Variants in ACBD6 observed in about 807,000 individuals in gnomAD.
The protein encoded by ACBD6 is acyl-CoA binding domain containing 6.
A neutral mutation model predicts 37.2 loss-of-function variants in ACBD6; 28 were observed. The observed-to-expected ratio is 0.75, with a 90% CI of 0.56 to 1.03. The LOEUF (loss-of-function observed/expected upper bound fraction) is 1.03. ACBD6 is among the 50% of genes least tolerant of loss of function. The probability of loss-of-function intolerance (pLI) is 0.00; values close to 1 mark genes in which losing one functional copy is unlikely to be tolerated. For synonymous variants in ACBD6, 113 were observed against 126.8 expected, an observed-to-expected ratio of 0.89 and a Z score of 0.73; for missense variants, 340 against 337.4, an observed-to-expected ratio of 1.01 and a Z score of -0.06.
At chr1:180,380,271 AAAAC>A (rs1653590201) in intron 6 of ACBD6, among the ~76,000 whole-genome samples, 1 of 109,468 alleles carries the variant, frequency 9.1e-6, no homozygotes, top group Non-Finnish European at 2.4e-5. Context: ...AAACAAAAAC[AAAAC>A]AAAACAAACA....
chr1:180,367,621 T>C lies in ACBD6; in HGVS notation c.663+29895A>G, dbSNP rs141177309. On this transcript the variant is annotated intron_variant, in intron 6 of 7. Coordinates refer to ENST00000367595, the MANE Select transcript of ACBD6 (RefSeq NM_032360.4). ...GAATTCTCATTATATAGCTCCCACT[T>C]ATAAATGAGAACGTGCAGTATTTGG... Among the ~76,000 whole-genome samples the C allele has an allele frequency of 3.9e-3, 590 of 152,322 alleles. 2 individuals are homozygous for C. The highest frequency in any genetic ancestry group is 0.027 in the Middle Eastern group (8 of 294).
intron 4 of ACBD6, among the ~76,000 whole-genome samples, chr1:180,421,987 T>C (rs1235473407): frequency 5.3e-5 from 8 of 152,192 alleles, no homozygotes; most frequent in Admixed American, 3.3e-4. Flanking sequence ...TGGCATTACA[T>C]TTTCCAGGTA....
chr1:180,444,282 T>G, intron 3 of ACBD6, among the ~76,000 whole-genome samples: 1 of 141,318 alleles, frequency 7.1e-6, no homozygotes, highest in Non-Finnish European at 1.5e-5. Context: ...AGATTCCGTC[T>G]CTCCAAAAAA....
At chr1:180,494,613 C>G (rs1390514078) in intron 2 of ACBD6, among the ~76,000 whole-genome samples, 1 of 152,146 alleles carries the variant, frequency 6.6e-6, no homozygotes, top group Admixed American at 6.5e-5. Context: ...TCCAGGGGAC[C>G]AGATTTTATG....
intron 7 of ACBD6, among the ~76,000 whole-genome samples, chr1:180,301,916 G>A (rs1054248560): frequency 1.3e-4 from 20 of 152,014 alleles, no homozygotes; most frequent in African/African-American, 3.4e-4. Flanking sequence ...TTAATTTTAC[G>A]CAGTTATGAT....
Position 180,445,159 on chromosome 1 carries a change from C to T in ACBD6, c.385-14897G>A, listed in dbSNP as rs369354316. Among the ~76,000 whole-genome samples the T allele has an allele frequency of 5.9e-5, 9 of 152,222 alleles. No homozygotes were observed. In the East Asian group the frequency reaches 1.2e-3, roughly 20 times the overall value. ...TAAAACAGTATCCAGTGCAAAGTGG[C>T]CATTTTGTAAGTGTTAGCTAATACA... On this transcript the variant is annotated intron_variant, in intron 3 of 7. Coordinates refer to ENST00000367595, the MANE Select transcript of ACBD6 (RefSeq NM_032360.4).
chr1:180,283,227 G>A (rs1458059602), intron 8 of ACBD6, among the ~76,000 whole-genome samples: 1 of 152,156 alleles, frequency 6.6e-6, no homozygotes, highest in South Asian at 2.1e-4. Flanking sequence ...ACGCAAGTGA[G>A]AGGAAAAATA....
At chr1:180,408,125 T>C (rs1032164599) in intron 5 of ACBD6, among the ~76,000 whole-genome samples, 1 of 152,194 alleles carries the variant, frequency 6.6e-6, no homozygotes, top group African/African-American at 2.4e-5. Context: ...GACAGTGATA[T>C]AAGCAAAAAA....
At chr1:180,274,606 C>T in intron 10 of ACBD6, 1 of 1,529,606 alleles carries the variant, frequency 6.5e-7, no homozygotes. Flanking sequence ...CCCTACCTGC[C>T]CCCCTGGCTT....
At chr1:180,382,325 AAAAG>A (rs1472090617) in intron 6 of ACBD6, among the ~76,000 whole-genome samples, 1 of 152,054 alleles carries the variant, frequency 6.6e-6, no homozygotes, top group Non-Finnish European at 1.5e-5. Flanking sequence ...AACCAAGAAA[AAAAG>A]AGAGAAGACC....
intron 5 of ACBD6, among the ~76,000 whole-genome samples, chr1:180,399,517 C>T (rs2101954138): frequency 6.6e-6 from 1 of 152,330 alleles, no homozygotes; most frequent in East Asian, 1.9e-4. Flanking sequence ...ATCCACCTGC[C>T]TTGGCCTCCC....
chr1:180,329,127 G>A (rs1651374329), intron 6 of ACBD6, among the ~76,000 whole-genome samples: 1 of 151,998 alleles, frequency 6.6e-6, no homozygotes, highest in Admixed American at 6.6e-5. Flanking sequence ...TTTTTCTGAC[G>A]ATTCTCAGTC....
chr1:180,490,584 G>A (rs966565200), intron 3 of ACBD6, among the ~76,000 whole-genome samples: 1 of 151,732 alleles, frequency 6.6e-6, no homozygotes, highest in African/African-American at 2.4e-5. Flanking sequence ...GACCAACTTG[G>A]CTAACACGGT....
intron 3 of ACBD6, among the ~76,000 whole-genome samples, chr1:180,479,878 A>G (rs1182008026): frequency 1.3e-5 from 2 of 152,114 alleles, no homozygotes; most frequent in Non-Finnish European, 1.5e-5. Context: ...AGTCCCAGGT[A>G]TTCAGGAGGC....
At chr1:180,381,753 T>C (rs1307035495) in intron 6 of ACBD6, among the ~76,000 whole-genome samples, 1 of 152,062 alleles carries the variant, frequency 6.6e-6, no homozygotes, top group Non-Finnish European at 1.5e-5. Context: ...AATATAAACC[T>C]TCATCAAAAA....
intron 3 of ACBD6, among the ~76,000 whole-genome samples, chr1:180,441,863 C>T (rs1456828196): frequency 6.6e-6 from 1 of 152,084 alleles, no homozygotes; most frequent in Non-Finnish European, 1.5e-5. Context: ...AATTTGGATG[C>T]TGTTTCTTTA....
chr1:180,385,018 T>C (rs1453090833), intron 6 of ACBD6, among the ~76,000 whole-genome samples: 6 of 151,816 alleles, frequency 4.0e-5, no homozygotes, highest in Non-Finnish European at 7.4e-5. Context: ...TGGTGGGAGG[T>C]AGTGATGAAA....
chr1:180,302,547 T>C (rs1650172592), intron 7 of ACBD6, among the ~76,000 whole-genome samples: 3 of 152,128 alleles, frequency 2.0e-5, no homozygotes, highest in Admixed American at 2.0e-4. Flanking sequence ...ACCCCTGTCT[T>C]TTTTTGTTTT....
chr1:180,413,326 C>G (rs903996026), intron 5 of ACBD6, 40 bp downstream of exon 5: 2 of 1,507,164 alleles, frequency 1.3e-6, no homozygotes, highest in South Asian at 2.3e-5. Context: ...GCAGAACAAC[C>G]ATGCATAGGA....
Sources: gnomAD v4.1 joint callset for allele counts (sites outside exome capture counted in the v4.1 genomes callset) on GRCh38, gnomAD v4.1.1 for gene constraint, MANE v1.5 for transcripts, NCBI Gene and HGNC (gene_info 2026-07-23, HGNC 2026-07-21) for gene names.